The following ERBIN variants were observed in gnomAD, a reference collection of about 807,000 sequenced individuals.
The protein encoded by ERBIN is densin-180-like protein.
ERBIN carries 60 observed loss-of-function variants against 158.4 expected under a neutral mutation model. That is an observed-to-expected ratio of 0.38 (90% confidence interval 0.31 to 0.47). The LOEUF (loss-of-function observed/expected upper bound fraction) is 0.47, where lower values mean the gene tolerates loss of function less well. ERBIN is among the 20% of genes least tolerant of loss of function. The probability of loss-of-function intolerance (pLI) is 0.99; values close to 1 mark genes in which losing one functional copy is unlikely to be tolerated. For missense variants in ERBIN, 1,610 were observed against 1,648.0 expected, an observed-to-expected ratio of 0.98 and a Z score of 0.40; for synonymous variants, 594 against 557.2, an observed-to-expected ratio of 1.07 and a Z score of -0.93.
chr5:66,073,304 A>G (rs557319728), intron 22 of ERBIN, among the ~76,000 whole-genome samples: 1 of 152,342 alleles, frequency 6.6e-6, no homozygotes, highest in African/African-American at 2.4e-5. Flanking sequence ...GGCTATCTGC[A>G]GAATTGTATG....
chr5:66,018,518 TA>T (rs1755172756), intron 7 of ERBIN, among the ~76,000 whole-genome samples: 1 of 10,568 alleles, frequency 9.5e-5, no homozygotes, highest in African/African-American at 4.2e-4. Flanking sequence ...ATATATTATA[TA>T]ATATATATTA....
chr5:66,019,380 G>T (rs1446765626), intron 7 of ERBIN, among the ~76,000 whole-genome samples: 1 of 152,116 alleles, frequency 6.6e-6, no homozygotes, highest in Non-Finnish European at 1.5e-5. Flanking sequence ...AATACTGGAG[G>T]GCACAGTACT....
intron 14 of ERBIN, among the ~76,000 whole-genome samples, chr5:66,033,970 G>A (rs536798209): frequency 9.3e-4 from 141 of 152,162 alleles, no homozygotes; most frequent in African/African-American, 3.3e-3. Context: ...TTAGCCGGGC[G>A]TGGTGGCGTG....
rs183557455 is a variant in ERBIN at position 65,971,270 on chromosome 5, G to C, written c.-57-17365G>C. ...GTTTTTTTTTTTTTCAGTGTTCAAA[G>C]CCTGTATTGCATCAGGTTTTCAGGT... On this transcript the variant is annotated intron_variant, in intron 1 of 25. Coordinates refer to ENST00000284037, the MANE Select transcript of ERBIN (RefSeq NM_001253697.2). 1.3e-4 allele frequency among the ~76,000 whole-genome samples: 19 copies of C among 151,402 alleles called. No homozygotes were observed. The East Asian group carries it at 3.7e-3, about 29-fold the overall frequency.
intron 21 of ERBIN, among the ~76,000 whole-genome samples, chr5:66,055,344 C>A (rs1226493219): frequency 6.6e-6 from 1 of 152,088 alleles, no homozygotes. Context: ...AAATGTATTG[C>A]AAATGTAAAT....
At chr5:66,036,775 GAGA>G (rs1757439681) in intron 14 of ERBIN, among the ~76,000 whole-genome samples, 1 of 152,196 alleles carries the variant, frequency 6.6e-6, no homozygotes, top group African/African-American at 2.4e-5. Flanking sequence ...TTATATTTCA[GAGA>G]AGAATATTTT....
chr5:65,945,003 TCTC>T (rs1228425662), intron 1 of ERBIN, among the ~76,000 whole-genome samples: 2 of 152,166 alleles, frequency 1.3e-5, no homozygotes, highest in African/African-American at 2.4e-5. Context: ...GAGCAAATGA[TCTC>T]CTGAAAAAAT....
At position 66,080,843 on chromosome 5, in the gene ERBIN, A is replaced by C. The variant is rs1026879256; in HGVS notation, c.*2313A>C. On this transcript the variant is annotated 3_prime_UTR_variant, in exon 26 of 26. Transcript: ENST00000284037. ...CATTTTATCCTACTCTAGTTAGTTA[A>C]AATTTTATAGTATTCTTGCAACACA... The C allele has an allele frequency of 3.9e-5, 6 of 152,052 alleles. No individual in the cohort carries two copies. Among genetic ancestry groups the C allele is most frequent in the African/African-American group, 1.4e-4 (6 of 41,440 alleles). 9.4% of individuals were successfully genotyped at this position (152,052 alleles called of 1,614,324 possible).
intron 18 of ERBIN, 37 bp from the exon 19 acceptor site, chr5:66,048,630 A>T: frequency 8.1e-7 from 1 of 1,238,724 alleles, no homozygotes; most frequent in South Asian, 1.3e-5. Flanking sequence ...AAGAAACAAA[A>T]ATTTAATTTT....
chr5:65,987,738 G>A (rs990502369), intron 1 of ERBIN, among the ~76,000 whole-genome samples: 2 of 151,566 alleles, frequency 1.3e-5, no homozygotes, highest in Admixed American at 6.6e-5. Flanking sequence ...CCACCTACTC[G>A]GCAGGCTGAG....
chr5:65,940,516 T>TG (rs1336518819), intron 1 of ERBIN, among the ~76,000 whole-genome samples: 5,302 of 42,130 alleles, frequency 0.13, 263 homozygotes, highest in Non-Finnish European at 0.13. Flanking sequence ...GGGAGGGAGG[T>TG]GGGGGGGGTC....
At chr5:65,928,892 C>T (rs890909378) in intron 1 of ERBIN, among the ~76,000 whole-genome samples, 3 of 152,106 alleles carry the variant, frequency 2.0e-5, no homozygotes, top group Non-Finnish European at 4.4e-5. Context: ...TTTTAAATGG[C>T]TTCAAAATTT....
At chr5:66,053,367 G>A (rs572228637) in intron 20 of ERBIN, 39 bp from the exon 21 acceptor site, 9 of 1,253,718 alleles carry the variant, frequency 7.2e-6, no homozygotes, top group East Asian at 2.5e-5. Flanking sequence ...AAGAAAACTC[G>A]GCTTTATTAT....
At chr5:66,046,166 G>A (rs1419501608) in intron 17 of ERBIN, among the ~76,000 whole-genome samples, 187 bp from the exon 18 acceptor site, 5 of 152,118 alleles carry the variant, frequency 3.3e-5, no homozygotes, top group Non-Finnish European at 7.4e-5. Flanking sequence ...ATGGATCTTT[G>A]GGGGCCACGT....
intron 18 of ERBIN, among the ~76,000 whole-genome samples, chr5:66,047,222 T>C (rs774877186): frequency 2.6e-5 from 4 of 152,132 alleles, no homozygotes; most frequent in Admixed American, 1.3e-4. Context: ...AGTGGAATCA[T>C]ACAATATGTG....
intron 21 of ERBIN, among the ~76,000 whole-genome samples, chr5:66,069,871 C>T (rs1761370031): frequency 6.6e-6 from 1 of 152,080 alleles, no homozygotes; most frequent in Admixed American, 6.6e-5. Context: ...ATATCCCTGG[C>T]TTTCTTCTGG....
intron 4 of ERBIN, among the ~76,000 whole-genome samples, chr5:65,998,662 C>T (rs1421120927): frequency 1.3e-5 from 2 of 151,782 alleles, no homozygotes; most frequent in Non-Finnish European, 2.9e-5. Context: ...TTTGGGAGGT[C>T]GAGGTGGAAG....
intron 1 of ERBIN, among the ~76,000 whole-genome samples, chr5:65,950,999 C>G (rs1746436683): frequency 6.6e-6 from 1 of 152,158 alleles, no homozygotes; most frequent in South Asian, 2.1e-4. Flanking sequence ...TCAATTCTTG[C>G]TGTGCTGTTA....
intron 1 of ERBIN, among the ~76,000 whole-genome samples, chr5:65,964,645 A>G (rs561447442): frequency 1.3e-5 from 2 of 152,104 alleles, no homozygotes; most frequent in African/African-American, 2.4e-5. Flanking sequence ...TGTATGACAC[A>G]TATCCTGTGC....
Sources: gnomAD v4.1 joint callset for allele counts (sites outside exome capture counted in the v4.1 genomes callset) on GRCh38, gnomAD v4.1.1 for gene constraint, MANE v1.5 for transcripts, NCBI Gene and HGNC (gene_info 2026-07-23, HGNC 2026-07-21) for gene names.